Variants in TOX observed in about 807,000 individuals in gnomAD.
The protein encoded by TOX is thymocyte selection associated high mobility group box.
TOX carries 11 observed loss-of-function variants against 53.7 expected under a neutral mutation model. That is an observed-to-expected ratio of 0.20 (90% CI 0.13 to 0.34). The LOEUF is 0.34. TOX is among the 10% of genes least tolerant of loss of function. The pLI is 1.00. For synonymous variants in TOX, 225 were observed against 245.3 expected, an observed-to-expected ratio of 0.92 and a Z score of 0.77; for missense variants, 570 against 664.6, an observed-to-expected ratio of 0.86 and a Z score of 1.56.
chr8:59,061,452 G>A (rs1479121969), intron 1 of TOX, among the ~76,000 whole-genome samples: 3 of 152,152 alleles, frequency 2.0e-5, no homozygotes, highest in Non-Finnish European at 4.4e-5. Flanking sequence ...TTCAGTAAAG[G>A]TTTAGTAATT....
At chr8:58,965,904 T>G (rs1383600363) in intron 1 of TOX, among the ~76,000 whole-genome samples, 5 of 144,454 alleles carry the variant, frequency 3.5e-5, no homozygotes, top group African/African-American at 1.0e-4. Flanking sequence ...GTTTTTTTTT[T>G]TTTTTTTTTT....
At chr8:59,108,655 AACACACAC>A (rs3084429) in intron 1 of TOX, among the ~76,000 whole-genome samples, 155 of 147,538 alleles carry the variant, frequency 1.1e-3, no homozygotes, top group African/African-American at 3.0e-3. Context: ...TCATAAAGGA[AACACACAC>A]ACACACACAC....
At chr8:58,878,457 T>C (rs921490197) in intron 3 of TOX, among the ~76,000 whole-genome samples, 1 of 152,238 alleles carries the variant, frequency 6.6e-6, no homozygotes, top group Admixed American at 6.5e-5. Context: ...TTGTTCTTTT[T>C]AAATCTGCTT....
chr8:59,068,405 A>G (rs1473859029), intron 1 of TOX, among the ~76,000 whole-genome samples: 3 of 150,456 alleles, frequency 2.0e-5, no homozygotes, highest in Non-Finnish European at 4.4e-5. Flanking sequence ...AACAAGAAAG[A>G]GGAAGAAGAA....
At chr8:58,934,403 C>A (rs751462695) in intron 3 of TOX, among the ~76,000 whole-genome samples, 22 of 152,168 alleles carry the variant, frequency 1.4e-4, no homozygotes, top group Non-Finnish European at 2.6e-4. Flanking sequence ...ACCTTGGATA[C>A]CTTTTTATCA....
chr8:59,089,980 C>T (rs905757033), intron 1 of TOX, among the ~76,000 whole-genome samples: 2 of 152,214 alleles, frequency 1.3e-5, no homozygotes, highest in Non-Finnish European at 2.9e-5. Context: ...AGACTGAAGG[C>T]CCCATCAGAT....
intron 1 of TOX, among the ~76,000 whole-genome samples, chr8:59,080,974 T>C (rs538828920): frequency 1.3e-5 from 2 of 152,274 alleles, no homozygotes; most frequent in South Asian, 4.1e-4. Context: ...GTGGAAGTTA[T>C]AAATTTTAGA....
intron 3 of TOX, among the ~76,000 whole-genome samples, chr8:58,885,881 A>C (rs575390834): frequency 1.4e-4 from 21 of 152,260 alleles, no homozygotes; most frequent in African/African-American, 4.3e-4. Context: ...TGAAACTTCA[A>C]TTAAAGGGAT....
intron 1 of TOX, among the ~76,000 whole-genome samples, chr8:59,004,139 G>A (rs111455744): frequency 0.019 from 2,957 of 152,258 alleles, 110 homozygotes; most frequent in African/African-American, 0.068. Flanking sequence ...TATACAGCCT[G>A]TAAATCATCA....
intron 1 of TOX, among the ~76,000 whole-genome samples, chr8:58,993,965 T>C (rs1011373055): frequency 5.3e-5 from 8 of 151,684 alleles, no homozygotes; most frequent in African/African-American, 1.9e-4. Flanking sequence ...GGTCTACCTG[T>C]GGGAAAAATT....
intron 3 of TOX, among the ~76,000 whole-genome samples, chr8:58,938,304 T>C (rs547737817): frequency 3.5e-4 from 53 of 152,374 alleles, no homozygotes; most frequent in African/African-American, 1.2e-3. Context: ...GAAATGTGTT[T>C]TTTAATATTG....
At chr8:59,045,478 G>A (rs1403172315) in intron 1 of TOX, among the ~76,000 whole-genome samples, 2 of 152,174 alleles carry the variant, frequency 1.3e-5, no homozygotes, top group African/African-American at 4.8e-5. Context: ...CATGTTTGAT[G>A]TTTAATAGCC....
At chr8:58,889,618 C>T (rs1811528654) in intron 3 of TOX, among the ~76,000 whole-genome samples, 1 of 152,082 alleles carries the variant, frequency 6.6e-6, no homozygotes, top group African/African-American at 2.4e-5. Context: ...TTTAAAATGA[C>T]ATTTATACTA....
chr8:59,107,022 C>G (rs1804919082), intron 1 of TOX, among the ~76,000 whole-genome samples: 1 of 128,368 alleles, frequency 7.8e-6, no homozygotes, highest in Non-Finnish European at 1.5e-5. Context: ...GAACAATGAA[C>G]AATGATCTTA....
At chr8:59,010,971 T>C (rs1813894794) in intron 1 of TOX, among the ~76,000 whole-genome samples, 1 of 152,170 alleles carries the variant, frequency 6.6e-6, no homozygotes, top group African/African-American at 2.4e-5. Context: ...GCAAGGCTGT[T>C]TCCCATCCTT....
chr8:59,015,107 A>C (rs889682478), intron 1 of TOX, among the ~76,000 whole-genome samples: 1 of 152,214 alleles, frequency 6.6e-6, no homozygotes, highest in African/African-American at 2.4e-5. Flanking sequence ...TTTAAATCTA[A>C]ATGTCAACAG....
chr8:59,062,766 A>G lies in TOX; in HGVS notation c.102+56120T>C, dbSNP rs114970134. Among the ~76,000 whole-genome samples the G allele has an allele frequency of 3.5e-3, 539 of 152,264 alleles. 3 individuals are homozygous for G. The highest frequency in any genetic ancestry group is 0.012 in the African/African-American group (502 of 41,562). ...AAAAATTATACAATCAATGACAATTATTTGGAAAAGAGAGAGGGTGTGTGT... is the reference window on the plus strand; with the variant it reads ...AAAAATTATACAATCAATGACAATTGTTTGGAAAAGAGAGAGGGTGTGTGT... On this transcript the variant is annotated intron_variant, in intron 1 of 8. Transcript: ENST00000361421.
chr8:58,933,819 A>G, intron 3 of TOX, among the ~76,000 whole-genome samples: 1 of 152,188 alleles, frequency 6.6e-6, no homozygotes, highest in East Asian at 1.9e-4. Context: ...AAAGAAAAAT[A>G]AAAGCAACAC....
chr8:58,999,634 C>G (rs1301303016), intron 1 of TOX, among the ~76,000 whole-genome samples: 1 of 152,090 alleles, frequency 6.6e-6, no homozygotes, highest in Non-Finnish European at 1.5e-5. Context: ...GTACAGAAGA[C>G]AGATCCTTTC....
Sources: gnomAD v4.1 joint callset for allele counts (sites outside exome capture counted in the v4.1 genomes callset) on GRCh38, gnomAD v4.1.1 for gene constraint, MANE v1.5 for transcripts, NCBI Gene and HGNC (gene_info 2026-07-23, HGNC 2026-07-21) for gene names.